The following GSE1 variants were observed in gnomAD, a reference collection of about 807,000 sequenced individuals.
GSE1 encodes the protein genetic suppressor element 1.
A neutral mutation model predicts 112.6 loss-of-function variants in GSE1; 32 were observed. The observed-to-expected ratio is 0.28, with a 90% CI of 0.21 to 0.38. The LOEUF is 0.38. Ranked by LOEUF, GSE1 falls within the 10% of genes least tolerant of loss-of-function variation. GSE1 has a pLI of 1.00. For synonymous variants in GSE1, 1,115 were observed against 735.6 expected (o/e 1.52, Z -8.35); for missense variants, 2,348 against 1,699.2 (o/e 1.38, Z -6.71).
intron 1 of GSE1, among the ~76,000 whole-genome samples, chr16:85,335,496 G>A (rs1222357878): frequency 6.6e-6 from 1 of 152,238 alleles, no homozygotes; most frequent in Admixed American, 6.5e-5. Context: ...AGGAGGCGGA[G>A]GCCGTGCTGG....
intron 1 of GSE1, among the ~76,000 whole-genome samples, chr16:85,196,217 C>T (rs370682870): frequency 2.0e-4 from 30 of 152,308 alleles, no homozygotes; most frequent in East Asian, 1.2e-3. Context: ...ATCATTGTCT[C>T]GACCTGAGTG....
At chr16:85,442,773 A>G (rs1007728933) in intron 2 of GSE1, among the ~76,000 whole-genome samples, 1 of 152,184 alleles carries the variant, frequency 6.6e-6, no homozygotes, top group African/African-American at 2.4e-5. Context: ...GCAGTAACAT[A>G]TTACCACAAA....
chr16:85,331,795 A>G (rs1273446079), intron 1 of GSE1, among the ~76,000 whole-genome samples: 1 of 142,040 alleles, frequency 7.0e-6, no homozygotes, highest in African/African-American at 2.7e-5. Context: ...CGATCTGCCC[A>G]CCTCAGCCTC....
At chr16:85,639,229 G>C (rs1418558011) in intron 2 of GSE1, among the ~76,000 whole-genome samples, 1 of 152,204 alleles carries the variant, frequency 6.6e-6, no homozygotes, top group Admixed American at 6.5e-5. Context: ...GACGCAGCTG[G>C]GCCAGCTCCC....
At chr16:85,222,020 G>C (rs1427853839) in intron 1 of GSE1, among the ~76,000 whole-genome samples, 2 of 152,210 alleles carry the variant, frequency 1.3e-5, no homozygotes, top group Non-Finnish European at 2.9e-5. Context: ...CCTGGTATCT[G>C]TCAGCCTCGG....
At chr16:85,434,512 T>C (rs1351401612) in intron 2 of GSE1, among the ~76,000 whole-genome samples, 2 of 152,110 alleles carry the variant, frequency 1.3e-5, no homozygotes, top group Admixed American at 1.3e-4. Flanking sequence ...TGCCCAAGGC[T>C]CCAGTTAGAA....
At position 85,654,313 on chromosome 16, in the gene GSE1, A is replaced by T; in HGVS notation, c.462A>T (p.Glu154Asp). 6.2e-7 allele frequency: 1 copy of T among 1,609,210 alleles called. No homozygotes were observed. Among genetic ancestry groups the T allele is most frequent in the Non-Finnish European group, 8.5e-7 (1 of 1,178,662 alleles). Residue 154 changes from glutamate to aspartate, a missense_variant, in exon 4 of 16, where the codon GAA (glutamate) becomes GAT (aspartate). Glu to Asp is a conservative substitution (Grantham distance 45). Transcript: ENST00000253458. ...AGSRSSSGGR[E>D]RLIVEPPLPQ... ...CCAGGAGCAGCAGTGGAGGTCGGGA[A>T]CGCCTCATTGTGGAGCCCCCGCTCC...
intron 1 of GSE1, among the ~76,000 whole-genome samples, chr16:85,352,108 C>A (rs1034730232): frequency 6.6e-6 from 1 of 152,156 alleles, no homozygotes; most frequent in Non-Finnish European, 1.5e-5. Context: ...CATGCACATA[C>A]ACACATACAG....
chr16:85,256,207 G>C (rs917116468), intron 1 of GSE1, among the ~76,000 whole-genome samples: 1 of 152,102 alleles, frequency 6.6e-6, no homozygotes, highest in Non-Finnish European at 1.5e-5. Flanking sequence ...GGACAGCACC[G>C]GGGGGTGGAG....
At chr16:85,396,064 C>T (rs961560202) in intron 2 of GSE1, among the ~76,000 whole-genome samples, 4 of 152,242 alleles carry the variant, frequency 2.6e-5, no homozygotes, top group African/African-American at 9.6e-5. Context: ...ATGAACAAGG[C>T]TGATGAAAGC....
intron 2 of GSE1, among the ~76,000 whole-genome samples, chr16:85,463,718 A>C (rs1411990451): frequency 6.6e-6 from 1 of 152,094 alleles, no homozygotes; most frequent in Admixed American, 6.5e-5. Context: ...GCCTCGCATC[A>C]CTGGCACAGT....
intron 1 of GSE1, among the ~76,000 whole-genome samples, chr16:85,291,831 C>G (rs577672416): frequency 6.6e-6 from 1 of 152,196 alleles, no homozygotes; most frequent in Non-Finnish European, 1.5e-5. Context: ...CCCATCCCCC[C>G]GCCAGCACAA....
At chr16:85,646,239 C>T (rs1304523586) in intron 2 of GSE1, among the ~76,000 whole-genome samples, 1 of 152,214 alleles carries the variant, frequency 6.6e-6, no homozygotes, top group Non-Finnish European at 1.5e-5. Context: ...ACGCATTCTA[C>T]CTGCTTCTAC....
intron 1 of GSE1, among the ~76,000 whole-genome samples, chr16:85,603,652 C>T (rs1298230091): frequency 6.6e-6 from 1 of 152,156 alleles, no homozygotes; most frequent in African/African-American, 2.4e-5. Context: ...CAGACATGTA[C>T]CCCCAAGCCT....
At chr16:85,602,887 T>A (rs2047527983) in intron 1 of GSE1, among the ~76,000 whole-genome samples, 1 of 152,228 alleles carries the variant, frequency 6.6e-6, no homozygotes, top group Non-Finnish European at 1.5e-5. Flanking sequence ...CACACTGGTC[T>A]CAGGTCAGGG....
intron 1 of GSE1, among the ~76,000 whole-genome samples, chr16:85,598,733 A>G (rs186276111): frequency 1.1e-4 from 16 of 152,356 alleles, no homozygotes; most frequent in African/African-American, 3.8e-4. Flanking sequence ...GAGTGCTGGG[A>G]GGGCTGGCTT....
Position 85,388,992 on chromosome 16 carries a change from A to G in GSE1, c.2464+31349A>G, listed in dbSNP as rs546560113. 5.3e-5 allele frequency among the ~76,000 whole-genome samples: 8 copies of G among 152,308 alleles called. No individual in the cohort carries two copies. The East Asian group carries it at 1.5e-3, about 29-fold the overall frequency. ...AGATCATGAAGGAAAAAAAAGAGAG[A>G]GAAATGTTCCACGATGTTGAGGGTA... is the stretch of plus-strand genomic sequence containing the variant. On this transcript the variant is annotated intron_variant, in intron 2 of 2. Transcript: ENST00000637419.
intron 2 of GSE1, among the ~76,000 whole-genome samples, chr16:85,447,885 C>G (rs1328461098): frequency 1.3e-5 from 2 of 152,240 alleles, no homozygotes; most frequent in Non-Finnish European, 2.9e-5. Flanking sequence ...GCTCAAGTGA[C>G]TTGCCCAGGG....
At chr16:85,194,601 C>T (rs557848638) in intron 1 of GSE1, among the ~76,000 whole-genome samples, 14 of 152,034 alleles carry the variant, frequency 9.2e-5, no homozygotes, top group Non-Finnish European at 1.8e-4. Context: ...ACTAATGACT[C>T]GAGTGTTGGG....
Sources: gnomAD v4.1 joint callset for allele counts (sites outside exome capture counted in the v4.1 genomes callset) on GRCh38, gnomAD v4.1.1 for gene constraint, MANE v1.5 for transcripts, NCBI Gene and HGNC (gene_info 2026-07-23, HGNC 2026-07-21) for gene names.